Variants in ETHE1 observed in about 807,000 individuals in gnomAD.
The protein encoded by ETHE1 is persulfide dioxygenase ETHE1, mitochondrial.
Under a neutral mutation model 25.7 loss-of-function variants are expected in ETHE1, and 16 were observed. That is an observed-to-expected ratio of 0.62 (90% CI 0.42 to 0.95). ETHE1 has a LOEUF of 0.95. Ranked by LOEUF, ETHE1 falls within the 40% of genes least tolerant of loss-of-function variation. The pLI, the probability that ETHE1 is intolerant of heterozygous loss-of-function variation, is 0.00. For synonymous variants in ETHE1, 139 were observed against 135.9 expected (o/e 1.02, Z -0.16); for missense variants, 300 against 333.6 (o/e 0.90, Z 0.79).
intron 1 of ETHE1, 80 bp from the exon 2 acceptor site, chr19:43,526,739 C>T: frequency 6.2e-7 from 1 of 1,604,094 alleles, no homozygotes; most frequent in Non-Finnish European, 8.5e-7. Context: ...CTGACCCTAT[C>T]CTCTTCCTAA....
intron 3 of ETHE1, among the ~76,000 whole-genome samples, chr19:43,517,277 T>A (rs1486516210): frequency 9.9e-6 from 1 of 100,706 alleles, no homozygotes; most frequent in African/African-American, 3.9e-5. Context: ...TGCCCAACTG[T>A]AGGCTAATGT....
At chr19:43,518,656 C>A (rs551542256) in intron 3 of ETHE1, among the ~76,000 whole-genome samples, 34 of 147,120 alleles carry the variant, frequency 2.3e-4, no homozygotes, top group Non-Finnish European at 4.7e-4. Flanking sequence ...GAGGCTGAGG[C>A]AGGAGAATGG....
intron 3 of ETHE1, 158 bp downstream of exon 3, chr19:43,526,043 G>T: frequency 8.9e-7 from 1 of 1,118,248 alleles, no homozygotes; most frequent in Non-Finnish European, 1.3e-6. Flanking sequence ...TGGGTTTATG[G>T]TGCCCCCCTC....
chr19:43,508,024 A>G lies in ETHE1; in HGVS notation c.632T>C (p.Leu211Pro). 6.2e-7 allele frequency: 1 copy of G among 1,614,142 alleles called. No individual in the cohort carries two copies. Among genetic ancestry groups the G allele is most frequent in the Non-Finnish European group, 8.5e-7 (1 of 1,180,030 alleles). The change falls in exon 6 of 7, where the codon CTG (leucine) becomes CCG (proline). Residue 211 changes from leucine (L) to proline (P), a missense_variant. Coordinates refer to ENST00000292147, the MANE Select transcript of ETHE1 (RefSeq NM_014297.5). ...TVSTVEEERT[L>P]NPRLTLSCEE... ...ACAGCTGAGGGTGAGCCGAGGGTTC[A>G]GAGTCCTCTCCTCCTCCACGGTGGA...
intron 3 of ETHE1, among the ~76,000 whole-genome samples, chr19:43,518,521 C>T (rs1413810542): frequency 2.0e-5 from 3 of 151,580 alleles, no homozygotes; most frequent in South Asian, 2.1e-4. Context: ...CCGAGACGGG[C>T]GGATCACGAG....
intron 4 of ETHE1, among the ~76,000 whole-genome samples, chr19:43,509,499 GA>G (rs35426776): frequency 0.58 from 66,014 of 113,896 alleles, 16,513 homozygotes; most frequent in East Asian, 0.66. Flanking sequence ...TCTGTCTCAA[GA>G]AAAAAAAAAA....
At position 43,527,138 on chromosome 19, in the gene ETHE1, TCAGCTGCCGC is replaced by T; in HGVS notation, c.30_39del (p.Arg11AlafsTer19). ...GGGGCTCCAGACCCGCCGCGCTGGC[TCAGCTGCCGC>T]CGGGCGACCCTCAGTACAGCCTCCG... On this transcript the variant is annotated frameshift_variant, in exon 1 of 7. Transcript: ENST00000292147. LOFTEE classifies it high-confidence loss of function. The T allele has an allele frequency of 6.4e-7, 1 of 1,552,340 alleles. No individual in the cohort carries two copies. Among genetic ancestry groups the T allele is most frequent in the Non-Finnish European group, 8.7e-7 (1 of 1,152,454 alleles).
At chr19:43,515,324 G>C (rs1971997568) in intron 3 of ETHE1, among the ~76,000 whole-genome samples, 1 of 151,410 alleles carries the variant, frequency 6.6e-6, no homozygotes, top group Non-Finnish European at 1.5e-5. Flanking sequence ...GGATGAGGCA[G>C]GAGAATTGCT....
At chr19:43,511,334 T>TA in intron 4 of ETHE1, 103 bp downstream of exon 4, 5 of 1,562,396 alleles carry the variant, frequency 3.2e-6, no homozygotes, top group Non-Finnish European at 4.4e-6. Context: ...TGAAGCCCCC[T>TA]AAAAGTCTAA....
At chr19:43,511,646 C>G in intron 3 of ETHE1, 80 bp from the exon 4 acceptor site, 2 of 1,519,180 alleles carry the variant, frequency 1.3e-6, no homozygotes, top group Non-Finnish European at 1.8e-6. Flanking sequence ...CCACCCTACC[C>G]CAGGGTCTTA....
chr19:43,508,920 C>T (rs2145979481), intron 4 of ETHE1, 56 bp from the exon 5 acceptor site: 7 of 1,332,916 alleles, frequency 5.3e-6, no homozygotes, highest in African/African-American at 1.4e-5. Context: ...ACTCTAACCC[C>T]TTCCTTCAAG....
At chr19:43,516,399 AAGCGATTCTCCTGCCTC>A (rs1240268411) in intron 3 of ETHE1, among the ~76,000 whole-genome samples, 2 of 151,670 alleles carry the variant, frequency 1.3e-5, no homozygotes, top group African/African-American at 4.8e-5. Flanking sequence ...TCCCGGGTTC[AAGCGATTCTCCTGCCTC>A]AGCCTCCTGA....
Position 43,506,753 on chromosome 19 carries a change from G to A in ETHE1, c.*97C>T, listed in dbSNP as rs1462488677. On this transcript the variant is annotated 3_prime_UTR_variant, in exon 7 of 7. Coordinates refer to ENST00000292147, the MANE Select transcript of ETHE1 (RefSeq NM_014297.5). ...AAAAAGTTTTATTTAGGGAGCTCCA[G>A]GGAATGCGGTGGGAAAGGAGAGGTG... 1 of 1,175,276 alleles carries A rather than the reference G, an allele frequency of 8.5e-7. No individual in the cohort carries two copies. The highest frequency in any genetic ancestry group is 1.3e-6 in the Non-Finnish European group (1 of 784,390). The allele number at this position is 1,175,276 out of a possible 1,614,324, so 72.8% of individuals were successfully genotyped here.
intron 3 of ETHE1, among the ~76,000 whole-genome samples, chr19:43,519,862 A>T (rs985015433): frequency 1.6e-4 from 25 of 152,318 alleles, no homozygotes; most frequent in African/African-American, 5.5e-4. Context: ...CGCACCTATG[A>T]TAGAGTTTAA....
At chr19:43,512,833 A>T (rs754319317) in intron 3 of ETHE1, among the ~76,000 whole-genome samples, 3 of 152,178 alleles carry the variant, frequency 2.0e-5, no homozygotes, top group Non-Finnish European at 4.4e-5. Flanking sequence ...TCACCAAGAC[A>T]ATGGGAAAAA....
At chr19:43,506,999 A>G in intron 6 of ETHE1, 97 bp from the exon 7 acceptor site, 2 of 1,347,766 alleles carry the variant, frequency 1.5e-6, no homozygotes, top group Non-Finnish European at 2.1e-6. Context: ...CCTCTTCAGG[A>G]AACTAGAGTT....
intron 4 of ETHE1, among the ~76,000 whole-genome samples, 167 bp downstream of exon 4, chr19:43,511,270 G>C (rs538939281): frequency 2.1e-4 from 32 of 152,300 alleles, no homozygotes; most frequent in African/African-American, 7.0e-4. Context: ...GGTCCCTGGT[G>C]CCAAAAAGGT....
intron 3 of ETHE1, among the ~76,000 whole-genome samples, chr19:43,517,378 G>A (rs1243994547): frequency 9.4e-5 from 14 of 148,558 alleles, no homozygotes; most frequent in African/African-American, 3.2e-4. Context: ...GGTGGCTCAC[G>A]CCTGTAATCC....
At position 43,506,747 on chromosome 19, in the gene ETHE1, G is replaced by A. The variant is rs1971776209; in HGVS notation, c.*103C>T. 1.8e-6 allele frequency: 2 copies of A among 1,125,894 alleles called. No individual in the cohort carries two copies. The highest frequency in any genetic ancestry group is 2.4e-5 in the East Asian group (1 of 42,524). The allele number at this position is 1,125,894 out of a possible 1,614,324, so 69.7% of individuals were successfully genotyped here. ...CGTTAAAAAAAGTTTTATTTAGGGAGCTCCAGGGAATGCGGTGGGAAAGGA... is the reference window on the plus strand; with the variant it reads ...CGTTAAAAAAAGTTTTATTTAGGGAACTCCAGGGAATGCGGTGGGAAAGGA... On this transcript the variant is annotated 3_prime_UTR_variant, in exon 7 of 7. Coordinates refer to ENST00000292147, the MANE Select transcript of ETHE1 (RefSeq NM_014297.5).
Sources: gnomAD v4.1 joint callset for allele counts (sites outside exome capture counted in the v4.1 genomes callset) on GRCh38, gnomAD v4.1.1 for gene constraint, MANE v1.5 for transcripts, NCBI Gene and HGNC (gene_info 2026-07-23, HGNC 2026-07-21) for gene names.